The following RHOBTB1 variants were observed in gnomAD, a reference collection of about 807,000 sequenced individuals.
RHOBTB1 encodes the protein rho-related BTB domain-containing protein 1.
Under a neutral mutation model 71.6 loss-of-function variants are expected in RHOBTB1, and 40 were observed. The ratio of observed to expected loss-of-function variants is 0.56; its 90% confidence interval spans 0.43 to 0.73. The LOEUF (loss-of-function observed/expected upper bound fraction) is 0.73, where lower values mean the gene tolerates loss of function less well. RHOBTB1 is among the 30% of genes least tolerant of loss of function. The pLI is 0.00. For missense variants in RHOBTB1, 797 were observed against 894.0 expected, an observed-to-expected ratio of 0.89 and a Z score of 1.38; for synonymous variants, 319 against 334.9, an observed-to-expected ratio of 0.95 and a Z score of 0.52.
At chr10:60,903,261 G>A (rs999356128) in intron 4 of RHOBTB1, among the ~76,000 whole-genome samples, 1 of 152,162 alleles carries the variant, frequency 6.6e-6, no homozygotes, top group Non-Finnish European at 1.5e-5. Context: ...GGTACAAAGG[G>A]CACAGAACTG....
rs774651613 is a variant in RHOBTB1 at position 60,965,695 on chromosome 10, C to T, written c.-62+20150G>A. Among the ~76,000 whole-genome samples the T allele has an allele frequency of 3.3e-5, 5 of 152,100 alleles. No homozygotes were observed. The East Asian group carries it at 9.6e-4, about 29-fold the overall frequency. On this transcript the variant is annotated intron_variant, in intron 2 of 11. Coordinates refer to the RHOBTB1 transcript ENST00000357917. ...GAATACAGGTTTCTTGGCAATTCTT[C>T]AGGATTTTTCCATTACCTTAATTCT...
chr10:60,982,395 T>C (rs929088094), intron 2 of RHOBTB1, among the ~76,000 whole-genome samples: 1 of 152,170 alleles, frequency 6.6e-6, no homozygotes, highest in African/African-American at 2.4e-5. Context: ...ATAATTATAC[T>C]AAGATTTTTG....
intron 2 of RHOBTB1, among the ~76,000 whole-genome samples, chr10:60,922,531 A>G (rs1475640012): frequency 2.0e-5 from 3 of 152,236 alleles, no homozygotes; most frequent in Non-Finnish European, 2.9e-5. Flanking sequence ...ACTGATGACC[A>G]GCAGACTGCC....
intron 4 of RHOBTB1, among the ~76,000 whole-genome samples, chr10:60,894,683 AC>A (rs1434501786): frequency 6.6e-6 from 1 of 152,206 alleles, no homozygotes; most frequent in Non-Finnish European, 1.5e-5. Context: ...AAATAAAGCC[AC>A]CATGAATTTT....
At chr10:60,945,770 T>TG (rs141908851), upstream of RHOBTB1, among the ~76,000 whole-genome samples, 1,876 of 152,248 alleles carry the variant, frequency 0.012, 42 homozygotes, top group African/African-American at 0.042. Context: ...TTTTTGAAAA[T>TG]GGAGTTACCA....
At chr10:60,954,167 C>T (rs1565125689) in intron 2 of RHOBTB1, among the ~76,000 whole-genome samples, 1 of 152,088 alleles carries the variant, frequency 6.6e-6, no homozygotes, top group Non-Finnish European at 1.5e-5. Flanking sequence ...GTAGAAAACG[C>T]CTCAAGCCTG....
At chr10:60,957,411 CATT>C (rs2085631527) in intron 2 of RHOBTB1, among the ~76,000 whole-genome samples, 1 of 152,280 alleles carries the variant, frequency 6.6e-6, no homozygotes, top group Non-Finnish European at 1.5e-5. Flanking sequence ...TTTTCAGCTC[CATT>C]ATAATGTTAT....
chr10:60,983,070 T>C lies in RHOBTB1; in HGVS notation c.-62+2775A>G, dbSNP rs533305400. Reference sequence around the variant, plus strand: ...AGTGCTAGATGGTCTATTCTCAGTGTTCTTGAATCTGTCTGATTTAATTCT... The same window carrying C: ...AGTGCTAGATGGTCTATTCTCAGTGCTCTTGAATCTGTCTGATTTAATTCT... On this transcript the variant is annotated intron_variant, in intron 2 of 11. Coordinates refer to the RHOBTB1 transcript ENST00000357917. Among the ~76,000 whole-genome samples, 19 of 152,328 alleles carry C rather than the reference T, an allele frequency of 1.2e-4. No homozygotes were observed. In the South Asian group the frequency reaches 3.7e-3, roughly 30 times the overall value.
At chr10:60,867,776 T>C (rs541159947), downstream of RHOBTB1, among the ~76,000 whole-genome samples, 1 of 152,286 alleles carries the variant, frequency 6.6e-6, no homozygotes, top group African/African-American at 2.4e-5. Flanking sequence ...CCAAGGGATA[T>C]AGCATTACTT....
intron 4 of RHOBTB1, among the ~76,000 whole-genome samples, chr10:60,902,578 T>A (rs1201524772): frequency 6.6e-6 from 1 of 152,160 alleles, no homozygotes; most frequent in Non-Finnish European, 1.5e-5. Flanking sequence ...CAAAAAAATT[T>A]ACAAGTCCAA....
chr10:60,997,100 C>T (rs2087081979), intron 1 of RHOBTB1, among the ~76,000 whole-genome samples: 1 of 150,576 alleles, frequency 6.6e-6, no homozygotes, highest in Non-Finnish European at 1.5e-5. Flanking sequence ...CACACACACA[C>T]ACACAGCTTT....
intron 2 of RHOBTB1, among the ~76,000 whole-genome samples, chr10:60,918,052 T>C (rs1401645242): frequency 6.6e-6 from 1 of 152,238 alleles, no homozygotes; most frequent in Non-Finnish European, 1.5e-5. Flanking sequence ...TGTGCATGTG[T>C]GTGTGGTTAT....
intron 2 of RHOBTB1, among the ~76,000 whole-genome samples, chr10:60,972,753 G>A (rs1252789109): frequency 6.6e-6 from 1 of 152,042 alleles, no homozygotes; most frequent in Non-Finnish European, 1.5e-5. Flanking sequence ...CATCAGCTTA[G>A]CACACAATAC....
At chr10:60,907,849 G>T (rs899438517) in intron 4 of RHOBTB1, among the ~76,000 whole-genome samples, 6 of 152,140 alleles carry the variant, frequency 3.9e-5, no homozygotes, top group African/African-American at 1.4e-4. Flanking sequence ...AGGCAGAGTG[G>T]CTTTGAATCT....
At position 60,888,214 on chromosome 10, in the gene RHOBTB1, G is replaced by A. The variant is rs1418962500; in HGVS notation, c.1454C>T (p.Ser485Leu). The A allele has an allele frequency of 1.9e-6, 3 of 1,611,580 alleles. No homozygotes were observed. The highest frequency in any genetic ancestry group is 2.2e-5 in the East Asian group (1 of 44,806). ...GCTCTGCCCCGCGGCCCACTCACCC[G>A]AGAACGTTCCCTTGCTGAGACACTC... ...IKECLSKGTF[S>L]DVTFKLDDGA... is the part of the protein sequence containing the mutation. The change falls in exon 6 of 11, where the codon TCG (serine) becomes TTG (leucine). Residue 485 changes from serine (S) to leucine (L), a missense_variant and splice_region_variant. Physicochemically the swap from Ser to Leu is moderately radical, Grantham distance 145. This residue lies in a region of RHOBTB1 where 658 missense variants were observed against 681.5 expected (regional missense o/e 0.97). Coordinates refer to ENST00000337910, the MANE Select transcript of RHOBTB1 (RefSeq NM_014836.5).
At chr10:60,944,686 G>C (rs775899979), upstream of RHOBTB1, among the ~76,000 whole-genome samples, 8 of 152,174 alleles carry the variant, frequency 5.3e-5, no homozygotes, top group African/African-American at 9.7e-5. Context: ...CCTAGGAGCT[G>C]ACCGGCCGCG....
intron 2 of RHOBTB1, among the ~76,000 whole-genome samples, chr10:60,960,357 C>A (rs547144241): frequency 6.6e-6 from 1 of 152,120 alleles, no homozygotes; most frequent in Non-Finnish European, 1.5e-5. Context: ...AGTATGTTTA[C>A]GTAAGTAACA....
intron 2 of RHOBTB1, among the ~76,000 whole-genome samples, chr10:60,978,122 T>G (rs2086374953): frequency 6.6e-6 from 1 of 152,280 alleles, no homozygotes; most frequent in Admixed American, 6.5e-5. Flanking sequence ...TTGTACTAAT[T>G]CAGATTCAAC....
intron 2 of RHOBTB1, among the ~76,000 whole-genome samples, chr10:60,956,382 T>C (rs1482244739): frequency 6.6e-6 from 1 of 152,178 alleles, no homozygotes; most frequent in Non-Finnish European, 1.5e-5. Context: ...CCTAGGACAT[T>C]ACTACACATT....
Sources: allele counts gnomAD v4.1 joint callset (sites outside exome capture counted in the v4.1 genomes callset), GRCh38; gene constraint gnomAD v4.1.1; regional missense constraint gnomAD v4.1.1; transcripts MANE v1.5; gene names NCBI Gene and HGNC (gene_info 2026-07-23, HGNC 2026-07-21).